CACNA1C: variants seen among roughly 807,000 people sequenced by gnomAD.
The protein encoded by CACNA1C is calcium voltage-gated channel subunit alpha1 C.
Under a neutral mutation model 229.0 loss-of-function variants are expected in CACNA1C, and 30 were observed. The ratio of observed to expected loss-of-function variants is 0.13; its 90% CI spans 0.10 to 0.18. The LOEUF (loss-of-function observed/expected upper bound fraction) is 0.18, where lower values mean the gene tolerates loss of function less well. Ranked by LOEUF, CACNA1C falls within the 10% of genes least tolerant of loss-of-function variation. The pLI, the probability that CACNA1C is intolerant of heterozygous loss-of-function variation, is 1.00. For missense variants in CACNA1C, 1,658 were observed against 2,845.0 expected (o/e 0.58, Z 9.49); for synonymous variants, 1,114 against 1,132.5 (o/e 0.98, Z 0.33).
intron 3 of CACNA1C, among the ~76,000 whole-genome samples, chr12:2,184,419 C>G (rs2096935267): frequency 6.6e-6 from 1 of 152,086 alleles, no homozygotes; most frequent in East Asian, 1.9e-4. Flanking sequence ...TGATCTGGTT[C>G]CCTGATAATT....
intron 3 of CACNA1C, among the ~76,000 whole-genome samples, chr12:2,312,422 A>G (rs2108570): frequency 0.81 from 123,879 of 152,106 alleles, 50,964 homozygotes; most frequent in African/African-American, 0.92. Context: ...GGCAACACCC[A>G]CAACAAAGCA....
rs1311327631 is a variant in CACNA1C at position 2,597,684 on chromosome 12, C to T, written c.2853+395C>T. ...GCCCAGACTTAGAAGCCAGGAGCAGCCTACCCCACCACAGCTCCTCCCTCC... is the reference window on the plus strand; with the variant it reads ...GCCCAGACTTAGAAGCCAGGAGCAGTCTACCCCACCACAGCTCCTCCCTCC... On this transcript the variant is annotated intron_variant, in intron 21 of 46. Transcript: ENST00000399655. The surrounding 1 kb of genome is among the most constrained non-coding windows in gnomAD (Gnocchi z 4.3). Among the ~76,000 whole-genome samples the T allele has an allele frequency of 6.6e-6, 1 of 152,186 alleles. No homozygotes were observed. The highest frequency in any genetic ancestry group is 1.5e-5 in the Non-Finnish European group (1 of 68,042).
At chr12:2,193,700 A>G (rs1290287367) in intron 3 of CACNA1C, among the ~76,000 whole-genome samples, 1 of 152,184 alleles carries the variant, frequency 6.6e-6, no homozygotes, top group African/African-American at 2.4e-5. Flanking sequence ...CCCTTCTCCT[A>G]CAGCAGCCTT....
At chr12:2,662,793 T>C (rs1285880142) in intron 34 of CACNA1C, among the ~76,000 whole-genome samples, 2 of 152,130 alleles carry the variant, frequency 1.3e-5, no homozygotes, top group Non-Finnish European at 1.5e-5. Context: ...GATAAACAAA[T>C]AAACCTGAGG....
rs367691698 is a variant in CACNA1C, at chr12:2,019,603, A to G, written c.139+48402A>G. ...AGAGAGAGAGAAAGAAAGAGAAGGA[A>G]AGAAAGAAGAAAGAAAAAGAAAGAA... On this transcript the variant is annotated intron_variant, in intron 1 of 46. Transcript: ENST00000682462. Among the ~76,000 whole-genome samples, 6 of 108,220 alleles carry G rather than the reference A, an allele frequency of 5.5e-5. 1 individual carries two copies. Among genetic ancestry groups the G allele is most frequent in the Admixed American group, 9.4e-5 (1 of 10,636 alleles). 71.0% of individuals were successfully genotyped at this position (108,220 alleles called of 152,430 possible).
At chr12:2,435,580 G>A (rs1469536005) in intron 3 of CACNA1C, among the ~76,000 whole-genome samples, 1 of 152,190 alleles carries the variant, frequency 6.6e-6, no homozygotes, top group East Asian at 1.9e-4. Flanking sequence ...GGCCTCTGCA[G>A]CACCCCTGGA....
chr12:2,570,818 A>G (rs1042542883), intron 13 of CACNA1C, among the ~76,000 whole-genome samples: 1 of 152,172 alleles, frequency 6.6e-6, no homozygotes, highest in Non-Finnish European at 1.5e-5. Context: ...AGAAGGTTGA[A>G]TCTCAGATGA....
chr12:2,137,114 G>C (rs1178638285), intron 3 of CACNA1C, among the ~76,000 whole-genome samples: 1 of 151,322 alleles, frequency 6.6e-6, no homozygotes, highest in East Asian at 1.9e-4. Context: ...AGGCTCCACA[G>C]GTTTTGCCTG....
intron 1 of CACNA1C, among the ~76,000 whole-genome samples, chr12:2,070,183 T>C (rs953166469): frequency 7.2e-5 from 11 of 152,202 alleles, no homozygotes; most frequent in Admixed American, 7.2e-4. Context: ...AAAAGAGCCT[T>C]GCTCCATGAC....
chr12:2,186,492 CTTTTT>C (rs1338152871), intron 3 of CACNA1C, among the ~76,000 whole-genome samples: 1 of 152,018 alleles, frequency 6.6e-6, no homozygotes, highest in South Asian at 2.1e-4. Flanking sequence ...CTTGCCTTCA[CTTTTT>C]TTTATTTTAA....
chr12:2,580,973 C>T (rs2060261200), intron 13 of CACNA1C, among the ~76,000 whole-genome samples: 1 of 152,202 alleles, frequency 6.6e-6, no homozygotes, highest in South Asian at 2.1e-4. Flanking sequence ...AGAAACAATT[C>T]TTAGGACAGC....
chr12:2,408,365 A>G (rs553807622), intron 3 of CACNA1C, among the ~76,000 whole-genome samples: 14 of 152,370 alleles, frequency 9.2e-5, no homozygotes, highest in Admixed American at 6.5e-4. Flanking sequence ...ACTGAATGCT[A>G]CACTTAAAAA....
At chr12:2,615,344 A>G (rs2153471429) in intron 29 of CACNA1C, among the ~76,000 whole-genome samples, 1 of 152,276 alleles carries the variant, frequency 6.6e-6, no homozygotes, top group East Asian at 1.9e-4. Flanking sequence ...TATAGATTTG[A>G]TAAACTGAAA....
chr12:2,673,069 C>T (rs2096634140), intron 38 of CACNA1C, among the ~76,000 whole-genome samples: 1 of 152,216 alleles, frequency 6.6e-6, no homozygotes, highest in Non-Finnish European at 1.5e-5. Flanking sequence ...CAGTCTGACA[C>T]AAGAGCCCTC....
At chr12:2,388,825 A>G (rs1296858291) in intron 3 of CACNA1C, among the ~76,000 whole-genome samples, 3 of 152,228 alleles carry the variant, frequency 2.0e-5, no homozygotes, top group African/African-American at 7.2e-5. Flanking sequence ...AGTGCAGTTG[A>G]TCAGTTCATG....
Position 2,543,284 on chromosome 12 carries a change from G to A in CACNA1C, c.1391-6659G>A, listed in dbSNP as rs117846661. 6.6e-3 allele frequency among the ~76,000 whole-genome samples: 1,006 copies of A among 152,318 alleles called. 4 individuals carry two copies. The highest frequency in any genetic ancestry group is 0.012 in the Non-Finnish European group (800 of 68,026). Reference sequence around the variant, plus strand: ...TTATGACATTGCCTGCAGATGAGCAGACAATCAAACTTCACTTCTAAGGAA... The same window carrying A: ...TTATGACATTGCCTGCAGATGAGCAAACAATCAAACTTCACTTCTAAGGAA... On this transcript the variant is annotated intron_variant, in intron 9 of 46. Coordinates refer to ENST00000399655, the MANE Select transcript of CACNA1C (RefSeq NM_000719.7).
chr12:2,375,797 T>G (rs1301311131), intron 3 of CACNA1C, among the ~76,000 whole-genome samples: 1 of 152,226 alleles, frequency 6.6e-6, no homozygotes, highest in African/African-American at 2.4e-5. Context: ...ATGGAGAGTC[T>G]TTAGCCCACT....
intron 29 of CACNA1C, among the ~76,000 whole-genome samples, chr12:2,626,562 G>T (rs191247396): frequency 6.6e-6 from 1 of 152,146 alleles, no homozygotes; most frequent in East Asian, 1.9e-4. Flanking sequence ...AGTTGCCTGT[G>T]TGCATGGCCA....
intron 29 of CACNA1C, among the ~76,000 whole-genome samples, chr12:2,616,619 C>T (rs900850616): frequency 3.9e-5 from 6 of 152,378 alleles, no homozygotes; most frequent in East Asian, 1.9e-4. Flanking sequence ...GGGCGTGTCC[C>T]GTGAGCCATG....
Sources: allele counts gnomAD v4.1 joint callset (sites outside exome capture counted in the v4.1 genomes callset), GRCh38; gene constraint gnomAD v4.1.1; non-coding constraint Gnocchi (gnomAD v3.1); transcripts MANE v1.5; gene names NCBI Gene and HGNC (gene_info 2026-07-23, HGNC 2026-07-21).